The following ESR2 variants were observed in gnomAD, a reference collection of about 807,000 sequenced individuals.
ESR2 encodes estrogen receptor beta.
Under a neutral mutation model 49.6 loss-of-function variants are expected in ESR2, and 36 were observed. The observed-to-expected ratio is 0.73, with a 90% CI of 0.56 to 0.96. The LOEUF is 0.96. ESR2 is among the 40% of genes least tolerant of loss of function. ESR2 has a pLI of 0.00. For synonymous variants in ESR2, 320 were observed against 266.1 expected, an observed-to-expected ratio of 1.20 and a Z score of -1.97; for missense variants, 714 against 693.0, an observed-to-expected ratio of 1.03 and a Z score of -0.34.
At chr14:64,260,340 A>T in intron 5 of ESR2, 109 bp downstream of exon 5, 1 of 1,107,554 alleles carries the variant, frequency 9.0e-7, no homozygotes, top group Non-Finnish European at 1.4e-6. Flanking sequence ...AGGACCTGTT[A>T]AATATCTAGG....
chr14:64,259,754 T>G lies in ESR2; in HGVS notation c.952+695A>C, dbSNP rs148773896. Among the ~76,000 whole-genome samples the G allele has an allele frequency of 1.8e-3, 272 of 152,328 alleles. 1 individual carries two copies. The highest frequency in any genetic ancestry group is 6.1e-3 in the African/African-American group (254 of 41,556). On this transcript the variant is annotated intron_variant, in intron 5 of 8. Coordinates refer to ENST00000341099, the MANE Select transcript of ESR2 (RefSeq NM_001437.3). ...CGTGTAACTTCAACCACTGATTTAC[T>G]CTGTTTGTCCATACATATTCATTTA...
downstream of ESR2, chr14:64,227,843 T>C: frequency 6.3e-7 from 1 of 1,589,140 alleles, no homozygotes; most frequent in African/African-American, 1.3e-5. Flanking sequence ...CGTCTGCAAA[T>C]CTTTCATTGC....
chr14:64,317,152 G>A (rs1271685670), intron 1 of ESR2, among the ~76,000 whole-genome samples: 1 of 152,142 alleles, frequency 6.6e-6, no homozygotes, highest in East Asian at 1.9e-4. Flanking sequence ...TGTAGTTCCA[G>A]CTACTCAGGA....
Position 64,246,426 on chromosome 14 carries a change from C to T in ESR2, c.1225+3120G>A, listed in dbSNP as rs142637804. Reference sequence around the variant, plus strand: ...GGTATCTTGCTTCCTCTTCACTTTCCGCCATTATTGTAAGTCTCCTGAGGC... The same window carrying T: ...GGTATCTTGCTTCCTCTTCACTTTCTGCCATTATTGTAAGTCTCCTGAGGC... On this transcript the variant is annotated intron_variant, in intron 7 of 8. Transcript: ENST00000341099. Among the ~76,000 whole-genome samples, 871 of 152,082 alleles carry T rather than the reference C, an allele frequency of 5.7e-3. 11 individuals carry two copies. Among genetic ancestry groups the T allele is most frequent in the African/African-American group, 0.02 (843 of 41,472 alleles).
chr14:64,293,152 GTTC>G (rs1224512577), intron 1 of ESR2, among the ~76,000 whole-genome samples: 8 of 152,154 alleles, frequency 5.3e-5, no homozygotes, highest in Admixed American at 1.3e-4. Context: ...TGTTAATCAT[GTTC>G]TTTTCATAGT....
chr14:64,302,982 TAGAA>T (rs1257122238), intron 1 of ESR2, among the ~76,000 whole-genome samples: 1 of 152,114 alleles, frequency 6.6e-6, no homozygotes, highest in Non-Finnish European at 1.5e-5. Context: ...GTATTTTTAG[TAGAA>T]ATGGGGTTTC....
At chr14:64,290,365 C>T (rs954168851) in intron 1 of ESR2, among the ~76,000 whole-genome samples, 3 of 152,074 alleles carry the variant, frequency 2.0e-5, no homozygotes, top group African/African-American at 7.3e-5. Flanking sequence ...ACCACCACAC[C>T]TGGCCAATTA....
chr14:64,281,449 G>GA (rs942159031), intron 2 of ESR2, among the ~76,000 whole-genome samples: 37 of 144,866 alleles, frequency 2.6e-4, no homozygotes, highest in East Asian at 1.8e-3. Context: ...GGAGGAAGGA[G>GA]AAAAAAAAAA....
At chr14:64,329,797 A>G (rs1474088394) in intron 1 of ESR2, 2 of 152,196 alleles carry the variant, frequency 1.3e-5, no homozygotes, top group African/African-American at 4.8e-5. Context: ...GTCCTTTTCT[A>G]TCGTAGAATT....
chr14:64,329,205 T>C (rs1333355886), intron 1 of ESR2, among the ~76,000 whole-genome samples: 2 of 152,078 alleles, frequency 1.3e-5, no homozygotes, highest in Non-Finnish European at 2.9e-5. Flanking sequence ...GAGGGGTAAG[T>C]ACAAGGATCT....
intron 7 of ESR2, among the ~76,000 whole-genome samples, chr14:64,247,169 C>T (rs1009849849): frequency 1.3e-5 from 2 of 152,258 alleles, no homozygotes; most frequent in South Asian, 4.1e-4. Flanking sequence ...TTTTAGCAAT[C>T]GACAGAGTAA....
At chr14:64,247,105 G>C (rs184423782) in intron 7 of ESR2, among the ~76,000 whole-genome samples, 1 of 152,124 alleles carries the variant, frequency 6.6e-6, no homozygotes, top group Non-Finnish European at 1.5e-5. Flanking sequence ...TGTATGGTCT[G>C]TTGCCCATTT....
chr14:64,251,570 C>A (rs2075991071), intron 6 of ESR2, among the ~76,000 whole-genome samples: 1 of 152,100 alleles, frequency 6.6e-6, no homozygotes, highest in Non-Finnish European at 1.5e-5. Context: ...ATTTTCACTG[C>A]AAATTTATGT....
chr14:64,248,523 GA>G (rs1321199719), intron 7 of ESR2, among the ~76,000 whole-genome samples: 52 of 114,374 alleles, frequency 4.5e-4, no homozygotes, highest in East Asian at 5.3e-4. Flanking sequence ...AAAAAAAAAA[GA>G]AAAAAAAAAA....
intron 1 of ESR2, among the ~76,000 whole-genome samples, chr14:64,285,009 C>T (rs917788016): frequency 4.6e-5 from 7 of 152,082 alleles, no homozygotes; most frequent in Non-Finnish European, 1.0e-4. Context: ...GCCACCACGC[C>T]CAGCTAACTT....
Position 64,309,011 on chromosome 14 carries a change from TGAAAA to T in ESR2, c.-90-25941_-90-25937del, listed in dbSNP as rs201730380. 1.1e-4 allele frequency among the ~76,000 whole-genome samples: 16 copies of T among 150,812 alleles called. No homozygotes were observed. The East Asian group carries it at 1.4e-3, about 13-fold the overall frequency. On this transcript the variant is annotated intron_variant, in intron 1 of 8. Coordinates refer to the ESR2 transcript ENST00000358599. The stretch of plus-strand genomic sequence containing the variant: ...AAAAGAGAAAAGAAAGAAAAGAAAA[TGAAAA>T]GAAAAGAAAAGAGGAATAATACCTA...
chr14:64,318,367 T>C (rs990465637), intron 1 of ESR2, among the ~76,000 whole-genome samples: 4 of 150,866 alleles, frequency 2.7e-5, no homozygotes, highest in African/African-American at 9.7e-5. Context: ...TAAAACCCTG[T>C]CTCTACTAAA....
intron 8 of ESR2, chr14:64,233,601 G>A (rs1275751585): frequency 1.0e-5 from 4 of 393,448 alleles, no homozygotes; most frequent in Non-Finnish European, 1.4e-5. Context: ...ATTATGTTCC[G>A]TAAAGTCACT....
At chr14:64,272,648 G>A (rs1436895499) in intron 3 of ESR2, among the ~76,000 whole-genome samples, 1 of 152,036 alleles carries the variant, frequency 6.6e-6, no homozygotes, top group Non-Finnish European at 1.5e-5. Flanking sequence ...ATTTATTGAA[G>A]AGACTATTTT....
Sources: allele counts gnomAD v4.1 joint callset (sites outside exome capture counted in the v4.1 genomes callset), GRCh38; gene constraint gnomAD v4.1.1; transcripts MANE v1.5; gene names NCBI Gene and HGNC (gene_info 2026-07-23, HGNC 2026-07-21).